Variants in PCCA observed in about 807,000 individuals in gnomAD.
PCCA encodes propionyl-CoA carboxylase alpha chain, mitochondrial.
A neutral mutation model predicts 101.3 loss-of-function variants in PCCA; 74 were observed. The ratio of observed to expected loss-of-function variants is 0.73; its 90% CI spans 0.61 to 0.89. The LOEUF is 0.89. Ranked by LOEUF, PCCA falls within the 40% of genes least tolerant of loss-of-function variation. The pLI, the probability that PCCA is intolerant of heterozygous loss-of-function variation, is 0.00. For missense variants in PCCA, 891 were observed against 907.0 expected, an observed-to-expected ratio of 0.98 and a Z score of 0.23; for synonymous variants, 294 against 313.6, an observed-to-expected ratio of 0.94 and a Z score of 0.66.
At chr13:100,440,188 ATATATATATATATATATATAT>A (rs2080254899) in intron 20 of PCCA, among the ~76,000 whole-genome samples, 16 of 105,750 alleles carry the variant, frequency 1.5e-4, no homozygotes, top group South Asian at 3.2e-4. Flanking sequence ...ATATATATAT[ATATATATATATATATATATAT>A]AAAACGTGAT....
chr13:100,459,815 A>T (rs2082050404), intron 21 of PCCA, among the ~76,000 whole-genome samples: 1 of 152,220 alleles, frequency 6.6e-6, no homozygotes. Context: ...GGGAAGTCTA[A>T]GTAAGGTGCC....
At chr13:100,143,854 A>C (rs2052211458) in intron 4 of PCCA, among the ~76,000 whole-genome samples, 1 of 152,104 alleles carries the variant, frequency 6.6e-6, no homozygotes, top group Non-Finnish European at 1.5e-5. Flanking sequence ...TCATGGGCTC[A>C]TGCAATCATT....
intron 7 of PCCA, among the ~76,000 whole-genome samples, chr13:100,230,317 G>T (rs1229709668): frequency 1.3e-5 from 2 of 152,136 alleles, no homozygotes; most frequent in African/African-American, 4.8e-5. Flanking sequence ...GCCGAGGTGG[G>T]CGGATCACCT....
intron 8 of PCCA, among the ~76,000 whole-genome samples, chr13:100,253,257 G>A (rs914931345): frequency 2.6e-5 from 4 of 152,082 alleles, no homozygotes; most frequent in African/African-American, 4.8e-5. Flanking sequence ...CCAAGTAGCC[G>A]GGATTAGAGG....
Position 100,268,828 on chromosome 13 carries a change from TTTCATTCATTCA to T in PCCA, c.914+59_914+70del, listed in dbSNP as rs113891803. The T allele has an allele frequency of 0.059, 71,593 of 1,203,316 alleles. 2,684 individuals carry two copies. The highest frequency in any genetic ancestry group is 0.09 in the African/African-American group (5,939 of 65,646). 74.5% of individuals were successfully genotyped at this position (1,203,316 alleles called of 1,614,324 possible). ...TTTATAAAGCGGCTGCTTTTATGCA[TTTCATTCATTCA>T]TTCATTCATTCATCATTCACTGACG... is the stretch of plus-strand genomic sequence containing the variant. On this transcript the variant is annotated intron_variant, in intron 11 of 23. Coordinates refer to ENST00000376285, the MANE Select transcript of PCCA (RefSeq NM_000282.4).
intron 6 of PCCA, among the ~76,000 whole-genome samples, chr13:100,172,666 A>G (rs1225863264): frequency 6.6e-6 from 1 of 152,256 alleles, no homozygotes; most frequent in East Asian, 1.9e-4. Flanking sequence ...CAAGCAAACA[A>G]AGTTGATTGT....
chr13:100,264,170 A>C (rs150005907), intron 10 of PCCA, among the ~76,000 whole-genome samples: 37 of 91,944 alleles, frequency 4.0e-4, no homozygotes, highest in African/African-American at 5.8e-4. Flanking sequence ...GTATCTGTAT[A>C]TCGTATATAT....
At chr13:100,294,358 A>G (rs2065358232) in intron 12 of PCCA, among the ~76,000 whole-genome samples, 2 of 152,150 alleles carry the variant, frequency 1.3e-5, no homozygotes, top group Admixed American at 1.3e-4. Flanking sequence ...TTCAGCCCAT[A>G]ATGGTTTCCT....
chr13:100,386,661 G>A lies in PCCA; in HGVS notation c.1746+18087G>A, dbSNP rs190587746. 3.3e-5 allele frequency among the ~76,000 whole-genome samples: 5 copies of A among 152,338 alleles called. No individual in the cohort carries two copies. In the South Asian group the frequency reaches 6.2e-4, roughly 19 times the overall value. On this transcript the variant is annotated intron_variant, in intron 19 of 23. Coordinates refer to ENST00000376285, the MANE Select transcript of PCCA (RefSeq NM_000282.4). ...TTCCCAAGGTGCTGGGATTACAGGC[G>A]TGAGCCACCGCGCCCAGCCCTGTGT...
intron 4 of PCCA, among the ~76,000 whole-genome samples, chr13:100,119,876 T>C (rs934900971): frequency 6.6e-6 from 1 of 152,152 alleles, no homozygotes; most frequent in Non-Finnish European, 1.5e-5. Context: ...ATTATTTATT[T>C]ATTTATTTAT....
chr13:100,286,423 T>C (rs1359043205), intron 12 of PCCA, among the ~76,000 whole-genome samples: 3 of 152,102 alleles, frequency 2.0e-5, no homozygotes, highest in Non-Finnish European at 4.4e-5. Flanking sequence ...TTAAAGAGAA[T>C]GACGGGGTGA....
At position 100,515,974 on chromosome 13, in the gene PCCA, AAG is replaced by A. The variant is rs1218355822; in HGVS notation, c.2040+409_2040+410del. On this transcript the variant is annotated intron_variant, in intron 22 of 23. Transcript: ENST00000376285. ...TTCCTGGAACAAATGTCTAATTGGGAAGAAGAGTTGAGGAAAGGTTAATTCTG... is the reference window on the plus strand; with the variant it reads ...TTCCTGGAACAAATGTCTAATTGGGAAAGAGTTGAGGAAAGGTTAATTCTG... Among the ~76,000 whole-genome samples, 26 of 152,370 alleles carry A rather than the reference AAG, an allele frequency of 1.7e-4. No individual in the cohort carries two copies. In the East Asian group the frequency reaches 5.0e-3, roughly 29 times the overall value.
intron 7 of PCCA, among the ~76,000 whole-genome samples, chr13:100,210,978 A>G (rs1256095985): frequency 6.6e-6 from 1 of 152,192 alleles, no homozygotes; most frequent in Non-Finnish European, 1.5e-5. Context: ...TCCTCCTCCT[A>G]CGCTCCAAAT....
intron 6 of PCCA, among the ~76,000 whole-genome samples, chr13:100,169,188 T>C (rs2055358155): frequency 6.7e-6 from 1 of 148,880 alleles, no homozygotes; most frequent in Non-Finnish European, 1.5e-5. Flanking sequence ...ACGCTTGTAA[T>C]CCCAGCACTT....
intron 18 of PCCA, among the ~76,000 whole-genome samples, chr13:100,362,836 T>C (rs2074770522): frequency 6.6e-6 from 1 of 152,244 alleles, no homozygotes; most frequent in South Asian, 2.1e-4. Flanking sequence ...CACAGTCTCA[T>C]GTATTTGAAC....
chr13:100,358,652 G>C (rs1484566988), intron 18 of PCCA, among the ~76,000 whole-genome samples: 1 of 151,982 alleles, frequency 6.6e-6, no homozygotes, highest in Admixed American at 6.6e-5. Flanking sequence ...TAGAGATTAT[G>C]CAATCTGAAA....
intron 6 of PCCA, among the ~76,000 whole-genome samples, chr13:100,168,700 C>T (rs954287368): frequency 3.6e-4 from 55 of 152,192 alleles, no homozygotes; most frequent in African/African-American, 1.2e-3. Context: ...CGGTTGTTAG[C>T]GTCACCTTAG....
At chr13:100,383,727 T>G (rs1452403947) in intron 19 of PCCA, among the ~76,000 whole-genome samples, 1 of 152,220 alleles carries the variant, frequency 6.6e-6, no homozygotes, top group Non-Finnish European at 1.5e-5. Flanking sequence ...TTGTTTCATC[T>G]TAGATGCTTG....
intron 21 of PCCA, among the ~76,000 whole-genome samples, chr13:100,494,038 A>C (rs1392745507): frequency 6.6e-6 from 1 of 151,854 alleles, no homozygotes; most frequent in Non-Finnish European, 1.5e-5. Flanking sequence ...AAAATACAAA[A>C]ATCAGCTGGG....
Sources: allele counts gnomAD v4.1 joint callset (sites outside exome capture counted in the v4.1 genomes callset), GRCh38; gene constraint gnomAD v4.1.1; transcripts MANE v1.5; gene names NCBI Gene and HGNC (gene_info 2026-07-23, HGNC 2026-07-21).